GNB1: variants seen among roughly 807,000 people sequenced by gnomAD.
GNB1 encodes the protein guanine nucleotide-binding protein G(I)/G(S)/G(T) subunit beta-1.
In GNB1, 2 loss-of-function variants were observed where a neutral mutation model predicts 42.9. The observed-to-expected ratio is 0.05, with a 90% confidence interval of 0.02 to 0.15. GNB1 has a LOEUF of 0.15. GNB1 is among the 10% of genes least tolerant of loss of function. GNB1 has a pLI of 1.00. For missense variants in GNB1, 193 were observed against 462.2 expected (o/e 0.42, Z 5.34); for synonymous variants, 183 against 174.7 (o/e 1.05, Z -0.38).
intron 7 of GNB1, among the ~76,000 whole-genome samples, chr1:1,803,716 G>A (rs775381628): frequency 5.1e-4 from 78 of 152,266 alleles, no homozygotes; most frequent in Non-Finnish European, 9.3e-4. Context: ...GGGCGCAGCG[G>A]CTCACGCCTA....
At chr1:1,800,766 A>G (rs922586690) in intron 7 of GNB1, among the ~76,000 whole-genome samples, 3 of 151,884 alleles carry the variant, frequency 2.0e-5, no homozygotes, top group Non-Finnish European at 2.9e-5. Flanking sequence ...AAAAAAAAAA[A>G]AAAAAGAAAA....
At position 1,864,332 on chromosome 1, in the gene GNB1, AAAAAG is replaced by A. The variant is rs1485485862; in HGVS notation, c.-95-25099_-95-25095del. Among the ~76,000 whole-genome samples the A allele has an allele frequency of 4.3e-4, 64 of 149,042 alleles. 1 individual carries two copies. The highest frequency in any genetic ancestry group is 3.2e-3 in the South Asian group (15 of 4,708). On this transcript the variant is annotated intron_variant, in intron 1 of 11. Coordinates refer to ENST00000378609, the MANE Select transcript of GNB1 (RefSeq NM_002074.5). ...ACTCTCTCAAAAAAAAAAAAAAAAA[AAAAAG>A]AAGAAAACCCCACGAAAAAACTATT...
intron 6 of GNB1, among the ~76,000 whole-genome samples, chr1:1,804,977 T>C (rs1378933271): frequency 6.7e-6 from 1 of 148,498 alleles, no homozygotes; most frequent in East Asian, 2.0e-4. Context: ...TTAGCCAACA[T>C]GGTGAAACCC....
At chr1:1,888,790 G>A (rs562865583) in intron 1 of GNB1, among the ~76,000 whole-genome samples, 2 of 152,292 alleles carry the variant, frequency 1.3e-5, no homozygotes, top group East Asian at 3.9e-4. Flanking sequence ...AATGAGCCGA[G>A]ATCGCGCCAC....
intron 1 of GNB1, among the ~76,000 whole-genome samples, chr1:1,863,110 G>T (rs1031037150): frequency 6.6e-6 from 1 of 152,094 alleles, no homozygotes; most frequent in Admixed American, 6.6e-5. Context: ...CATCACTGGC[G>T]TCTGTTCATC....
At chr1:1,848,809 T>G (rs767874679) in intron 1 of GNB1, among the ~76,000 whole-genome samples, 1 of 152,218 alleles carries the variant, frequency 6.6e-6, no homozygotes, top group Non-Finnish European at 1.5e-5. Context: ...GTCACGATAT[T>G]CCTTCCCTTT....
intron 1 of GNB1, among the ~76,000 whole-genome samples, chr1:1,876,585 T>C (rs1557948109): frequency 6.6e-6 from 1 of 152,090 alleles, no homozygotes; most frequent in Non-Finnish European, 1.5e-5. Flanking sequence ...GGTCTCACTA[T>C]GTTGCCTAGG....
chr1:1,860,418 T>C (rs1391368161), intron 1 of GNB1, among the ~76,000 whole-genome samples: 3 of 151,806 alleles, frequency 2.0e-5, no homozygotes, highest in Non-Finnish European at 4.4e-5. Context: ...CATGCAACCC[T>C]GAATCTAAAA....
At chr1:1,852,642 C>A in intron 1 of GNB1, among the ~76,000 whole-genome samples, 1 of 151,766 alleles carries the variant, frequency 6.6e-6, no homozygotes, top group Non-Finnish European at 1.5e-5. Context: ...CAGCAGCGAG[C>A]CACTGTATGT....
intron 7 of GNB1, 44 bp downstream of exon 7, chr1:1,804,375 T>C (rs772983352): frequency 4.2e-6 from 6 of 1,425,338 alleles, no homozygotes; most frequent in African/African-American, 4.2e-5. Context: ...GTACCCCAGG[T>C]AAACAGCTTG....
At chr1:1,848,074 C>T (rs1404058977) in intron 1 of GNB1, among the ~76,000 whole-genome samples, 1 of 151,976 alleles carries the variant, frequency 6.6e-6, no homozygotes, top group East Asian at 1.9e-4. Context: ...CATACAGAAA[C>T]TTTTTTAGAG....
chr1:1,828,981 G>A (rs921051223), intron 2 of GNB1, among the ~76,000 whole-genome samples: 1 of 151,958 alleles, frequency 6.6e-6, no homozygotes, highest in African/African-American at 2.4e-5. Flanking sequence ...GAAGTGATAA[G>A]AAAAATCTAT....
chr1:1,847,697 G>C (rs765966512), intron 1 of GNB1, among the ~76,000 whole-genome samples: 1 of 152,168 alleles, frequency 6.6e-6, no homozygotes, highest in Non-Finnish European at 1.5e-5. Flanking sequence ...TGCTGGAGAG[G>C]ACGACGTCCA....
intron 6 of GNB1, among the ~76,000 whole-genome samples, chr1:1,806,000 A>G (rs916473707): frequency 5.3e-5 from 8 of 152,238 alleles, no homozygotes; most frequent in African/African-American, 1.4e-4. Flanking sequence ...TTTTACATAC[A>G]TGTTTGGACC....
intron 1 of GNB1, among the ~76,000 whole-genome samples, chr1:1,851,070 C>G (rs1046112194): frequency 6.6e-6 from 1 of 151,974 alleles, no homozygotes; most frequent in Admixed American, 6.6e-5. Flanking sequence ...GAGTTTGAGA[C>G]CAGCCTGACC....
At chr1:1,829,563 G>A (rs1280640138) in intron 2 of GNB1, among the ~76,000 whole-genome samples, 1 of 152,138 alleles carries the variant, frequency 6.6e-6, no homozygotes, top group Non-Finnish European at 1.5e-5. Flanking sequence ...CAGGTGCCAG[G>A]AAGAGCGAAC....
intron 5 of GNB1, 109 bp downstream of exon 5, chr1:1,815,647 T>TGAGTTCTGATTC (rs1353663866): frequency 1.2e-5 from 8 of 640,868 alleles, no homozygotes; most frequent in Non-Finnish European, 2.0e-5. Flanking sequence ...TTCAACTTCC[T>TGAGTTCTGATTC]AATTTCTTCA....
At position 1,794,433 on chromosome 1, in the gene GNB1, G is replaced by A. The variant is rs78355299; in HGVS notation, c.431-1122C>T. On this transcript the variant is annotated intron_variant, in intron 7 of 11. Coordinates refer to ENST00000378609, the MANE Select transcript of GNB1 (RefSeq NM_002074.5). ...GCATAGGGTCAACAAACCAGTTAGTGTGTGCCCAGGATTGGTGACAGACTG... is the reference window on the plus strand; with the variant it reads ...GCATAGGGTCAACAAACCAGTTAGTATGTGCCCAGGATTGGTGACAGACTG... Among the ~76,000 whole-genome samples, 1,245 of 152,280 alleles carry A rather than the reference G, an allele frequency of 8.2e-3. 20 individuals carry two copies. Among genetic ancestry groups the A allele is most frequent in the African/African-American group, 0.029 (1,208 of 41,552 alleles).
intron 7 of GNB1, among the ~76,000 whole-genome samples, chr1:1,794,926 G>A (rs958954958): frequency 4.6e-5 from 7 of 152,146 alleles, no homozygotes; most frequent in Non-Finnish European, 8.8e-5. Context: ...TTGACCTTGT[G>A]ATCCACCCAC....
Sources: allele counts gnomAD v4.1 joint callset (sites outside exome capture counted in the v4.1 genomes callset), GRCh38; gene constraint gnomAD v4.1.1; transcripts MANE v1.5; gene names NCBI Gene and HGNC (gene_info 2026-07-23, HGNC 2026-07-21).